HS6ST3: variants seen among roughly 807,000 people sequenced by gnomAD.
HS6ST3 encodes the protein heparan-sulfate 6-O-sulfotransferase 3.
A neutral mutation model predicts 36.7 loss-of-function variants in HS6ST3; 12 were observed. That is an observed-to-expected ratio of 0.33 (90% CI 0.21 to 0.53). The LOEUF is 0.53. Ranked by LOEUF, HS6ST3 falls within the 20% of genes least tolerant of loss-of-function variation. The pLI is 0.95. For missense variants in HS6ST3, 584 were observed against 640.9 expected, an observed-to-expected ratio of 0.91 and a Z score of 0.96; for synonymous variants, 240 against 257.5, an observed-to-expected ratio of 0.93 and a Z score of 0.65.
At chr13:96,404,553 A>G (rs952233645) in intron 1 of HS6ST3, among the ~76,000 whole-genome samples, 1 of 152,192 alleles carries the variant, frequency 6.6e-6, no homozygotes, top group Non-Finnish European at 1.5e-5. Flanking sequence ...GAGTCATGGC[A>G]GGAGAGGAAT....
intron 1 of HS6ST3, among the ~76,000 whole-genome samples, chr13:96,493,486 C>T (rs1044277010): frequency 2.0e-5 from 3 of 152,152 alleles, no homozygotes; most frequent in African/African-American, 7.2e-5. Flanking sequence ...TTTTTACAGC[C>T]ATTCTGTCTG....
intron 1 of HS6ST3, among the ~76,000 whole-genome samples, chr13:96,261,574 A>G (rs2054666767): frequency 6.6e-6 from 1 of 152,204 alleles, no homozygotes; most frequent in Non-Finnish European, 1.5e-5. Flanking sequence ...GCCTGGTGAA[A>G]TGGAGAAAAC....
chr13:96,405,426 G>C (rs1257239250), intron 1 of HS6ST3, among the ~76,000 whole-genome samples: 1 of 152,102 alleles, frequency 6.6e-6, no homozygotes, highest in Non-Finnish European at 1.5e-5. Flanking sequence ...TGATTGATGG[G>C]AAGGCCTGGA....
intron 1 of HS6ST3, among the ~76,000 whole-genome samples, chr13:96,794,069 A>G (rs561039601): frequency 7.2e-5 from 11 of 152,186 alleles, no homozygotes; most frequent in Admixed American, 5.9e-4. Flanking sequence ...ATCATGGAGC[A>G]AGATTTTGGC....
chr13:96,618,897 ATC>A (rs979428782), intron 1 of HS6ST3, among the ~76,000 whole-genome samples: 3 of 152,186 alleles, frequency 2.0e-5, no homozygotes, highest in Non-Finnish European at 4.4e-5. Context: ...AAGGGGGTTA[ATC>A]TCTCACAAAA....
intron 1 of HS6ST3, among the ~76,000 whole-genome samples, chr13:96,163,422 G>T (rs2054146374): frequency 6.6e-6 from 1 of 151,648 alleles, no homozygotes; most frequent in Admixed American, 6.6e-5. Flanking sequence ...GTAGAGATGG[G>T]GTTTCACCGT....
intron 1 of HS6ST3, among the ~76,000 whole-genome samples, chr13:96,434,553 G>A (rs2139476554): frequency 6.6e-6 from 1 of 151,806 alleles, no homozygotes; most frequent in Non-Finnish European, 1.5e-5. Context: ...GCTCTGAAGG[G>A]CACCAGGACG....
chr13:96,822,144 G>T (rs1303544776), intron 1 of HS6ST3, among the ~76,000 whole-genome samples: 2 of 152,150 alleles, frequency 1.3e-5, no homozygotes, highest in Admixed American at 1.3e-4. Context: ...CTGGTGTTCT[G>T]CTTTGCCCGG....
chr13:96,091,619 C>G lies in HS6ST3; in HGVS notation c.707+50C>G, dbSNP rs117437232. On this transcript the variant is annotated intron_variant, in intron 1 of 1. Coordinates refer to ENST00000376705, the MANE Select transcript of HS6ST3 (RefSeq NM_153456.4). ...TTCTTCCCCCCCACCCCCCATCCCTCTTCCTCAGTCCTGACCCAGAGCGAC... is the reference window on the plus strand; with the variant it reads ...TTCTTCCCCCCCACCCCCCATCCCTGTTCCTCAGTCCTGACCCAGAGCGAC... The G allele has an allele frequency of 8.3e-4, 1,258 of 1,508,978 alleles. 36 individuals are homozygous for G. In the East Asian group the frequency reaches 0.03, roughly 37 times the overall value. The allele number at this position is 1,508,978 out of a possible 1,614,324, so 93.5% of individuals were successfully genotyped here.
intron 1 of HS6ST3, among the ~76,000 whole-genome samples, chr13:96,831,954 CAAAAAAAAAA>C (rs35266831): frequency 9.1e-5 from 2 of 21,858 alleles, no homozygotes; most frequent in African/African-American, 1.8e-4. Flanking sequence ...GACTCCCTCT[CAAAAAAAAAA>C]AAAAAAAAAA....
chr13:96,823,388 A>G (rs1047958221), intron 1 of HS6ST3, among the ~76,000 whole-genome samples: 1 of 152,206 alleles, frequency 6.6e-6, no homozygotes, highest in African/African-American at 2.4e-5. Flanking sequence ...ATTATGACAC[A>G]TCCATAAATG....
intron 1 of HS6ST3, among the ~76,000 whole-genome samples, chr13:96,121,165 T>C (rs576514566): frequency 6.6e-6 from 1 of 152,312 alleles, no homozygotes; most frequent in African/African-American, 2.4e-5. Flanking sequence ...CATCCTAAGG[T>C]TTTAGAAATG....
At chr13:96,522,613 T>A (rs2056098150) in intron 1 of HS6ST3, among the ~76,000 whole-genome samples, 2 of 152,196 alleles carry the variant, frequency 1.3e-5, no homozygotes, top group Non-Finnish European at 2.9e-5. Context: ...ATGGCCTTTT[T>A]TGTCTCTTTT....
intron 1 of HS6ST3, among the ~76,000 whole-genome samples, chr13:96,455,897 G>A (rs2055752343): frequency 6.6e-6 from 1 of 152,178 alleles, no homozygotes; most frequent in Non-Finnish European, 1.5e-5. Context: ...CCAGGCCAGT[G>A]GAATTACTGT....
chr13:96,725,884 T>C (rs1376216246), intron 1 of HS6ST3, among the ~76,000 whole-genome samples: 2 of 152,182 alleles, frequency 1.3e-5, no homozygotes, highest in East Asian at 3.9e-4. Context: ...TCACCCAGGC[T>C]GGAGTGCAGT....
intron 1 of HS6ST3, among the ~76,000 whole-genome samples, chr13:96,816,274 G>C (rs1039860868): frequency 6.6e-6 from 1 of 152,202 alleles, no homozygotes; most frequent in African/African-American, 2.4e-5. Context: ...AAAGAGAAAT[G>C]ACTGAGGCAA....
chr13:96,790,933 A>C (rs2138520205), intron 1 of HS6ST3, among the ~76,000 whole-genome samples: 2 of 152,200 alleles, frequency 1.3e-5, no homozygotes, highest in South Asian at 4.1e-4. Context: ...CTATATGTGT[A>C]ATAAAATTCT....
At chr13:96,388,673 C>T (rs1473096198) in intron 1 of HS6ST3, among the ~76,000 whole-genome samples, 2 of 152,260 alleles carry the variant, frequency 1.3e-5, no homozygotes, top group Admixed American at 1.3e-4. Flanking sequence ...TTGTAATTCC[C>T]TATAATCCCC....
intron 1 of HS6ST3, among the ~76,000 whole-genome samples, chr13:96,161,671 C>T (rs1307060114): frequency 6.6e-6 from 1 of 152,120 alleles, no homozygotes; most frequent in Non-Finnish European, 1.5e-5. Flanking sequence ...GAAATCTTCC[C>T]TTCCCACACA....
Sources: allele counts gnomAD v4.1 joint callset (sites outside exome capture counted in the v4.1 genomes callset), GRCh38; gene constraint gnomAD v4.1.1; transcripts MANE v1.5; gene names NCBI Gene and HGNC (gene_info 2026-07-23, HGNC 2026-07-21).